The following NUTF2 variants were observed in gnomAD, a reference collection of about 807,000 sequenced individuals.
NUTF2 encodes placental protein 15.
NUTF2 carries 3 observed loss-of-function variants against 18.5 expected under a neutral mutation model. The ratio of observed to expected loss-of-function variants is 0.16; its 90% CI spans 0.07 to 0.42. The LOEUF is 0.42. Among genes scored for constraint, NUTF2 ranks in the 10% least tolerant of loss-of-function variants. The pLI is 0.99. For missense variants in NUTF2, 44 were observed against 160.7 expected (o/e 0.27, Z 3.93); for synonymous variants, 51 against 57.9 (o/e 0.88, Z 0.54).
At chr16:67,858,681 A>G (rs760830641) in intron 1 of NUTF2, among the ~76,000 whole-genome samples, 1 of 152,146 alleles carries the variant, frequency 6.6e-6, no homozygotes, top group African/African-American at 2.4e-5. Context: ...GGGAGTGGCA[A>G]GAGATGAGGT....
chr16:67,848,042 G>A lies in NUTF2; in HGVS notation c.-30+1057G>A, dbSNP rs373842762. Among the ~76,000 whole-genome samples the A allele has an allele frequency of 1.6e-4, 25 of 152,334 alleles. No homozygotes were observed. In the East Asian group the frequency reaches 3.3e-3, roughly 20 times the overall value. ...TGCTCACTTCCCAACAACTGGAGCT[G>A]CCTGTAAACAGGCAGGAACCTGGTT... On this transcript the variant is annotated intron_variant, in intron 1 of 4. Transcript: ENST00000219169.
intron 1 of NUTF2, among the ~76,000 whole-genome samples, chr16:67,861,300 G>A (rs1327264026): frequency 6.6e-6 from 1 of 152,224 alleles, no homozygotes; most frequent in East Asian, 1.9e-4. Context: ...TGCCTCATAT[G>A]CATTAGTGAA....
At chr16:67,869,722 T>C (rs1012874601) in intron 4 of NUTF2, among the ~76,000 whole-genome samples, 45 of 151,790 alleles carry the variant, frequency 3.0e-4, no homozygotes, top group Non-Finnish European at 1.6e-4. Context: ...GAGGCAGAGG[T>C]TGCGGTGAGC....
chr16:67,868,632 G>A (rs1354620887), intron 4 of NUTF2, 33 bp downstream of exon 4: 2 of 1,593,124 alleles, frequency 1.3e-6, no homozygotes, highest in Middle Eastern at 2.0e-4. Context: ...AGGGAGGGGT[G>A]GGCAGGCAGA....
At chr16:67,855,900 T>TGGGGGGGGG (rs1256646247) in intron 1 of NUTF2, 1 of 222,104 alleles carries the variant, frequency 4.5e-6, no homozygotes, top group Non-Finnish European at 8.0e-6. Flanking sequence ...GGGGGGGGGA[T>TGGGGGGGGG]GGGGGAAATG....
intron 1 of NUTF2, chr16:67,855,979 G>T: frequency 1.6e-6 from 2 of 1,220,280 alleles, no homozygotes; most frequent in Non-Finnish European, 2.4e-6. Flanking sequence ...ACTGCTTCTT[G>T]GTGCCAGCGG....
intron 1 of NUTF2, among the ~76,000 whole-genome samples, chr16:67,854,338 G>A (rs1001395638): frequency 5.9e-5 from 9 of 152,176 alleles, no homozygotes; most frequent in Non-Finnish European, 1.3e-4. Flanking sequence ...CACTTTAAGT[G>A]CCCAATAGTT....
At chr16:67,865,721 T>C (rs970810811) in intron 2 of NUTF2, among the ~76,000 whole-genome samples, 1 of 132,426 alleles carries the variant, frequency 7.6e-6, no homozygotes, top group African/African-American at 3.6e-5. Context: ...TGGCTGCTCT[T>C]TTTTTTTTTT....
intron 1 of NUTF2, among the ~76,000 whole-genome samples, chr16:67,850,171 C>G (rs1381169175): frequency 6.6e-6 from 1 of 151,920 alleles, no homozygotes; most frequent in Non-Finnish European, 1.5e-5. Context: ...TCAGGTCCCT[C>G]CCTCTCATTC....
In NUTF2 at chr16:67,850,981, AGTAGAGATGGG is replaced by A. The variant is rs534526942; in HGVS notation, c.-30+3999_-30+4009del. 4.2e-3 allele frequency among the ~76,000 whole-genome samples: 643 copies of A among 151,900 alleles called. 2 individuals carry two copies. Among genetic ancestry groups the A allele is most frequent in the African/African-American group, 0.015 (632 of 41,442 alleles). ...ACACCCAGCTAATTTTTGTATTCTTAGTAGAGATGGGGTTTCACCATATTGGCCAGGCTAGT... is the reference window on the plus strand; with the variant it reads ...ACACCCAGCTAATTTTTGTATTCTTAGTTTCACCATATTGGCCAGGCTAGT... On this transcript the variant is annotated intron_variant, in intron 1 of 4. Coordinates refer to ENST00000219169, the MANE Select transcript of NUTF2 (RefSeq NM_005796.3).
At chr16:67,848,979 A>G (rs1463823544) in intron 1 of NUTF2, among the ~76,000 whole-genome samples, 2 of 152,128 alleles carry the variant, frequency 1.3e-5, no homozygotes, top group Admixed American at 1.3e-4. Flanking sequence ...TTTCTTGCAT[A>G]TGAATTGCTC....
At chr16:67,849,029 A>G (rs28679372) in intron 1 of NUTF2, among the ~76,000 whole-genome samples, 10,444 of 152,266 alleles carry the variant, frequency 0.069, 500 homozygotes, top group Middle Eastern at 0.19. Flanking sequence ...ATAGGCAAGA[A>G]TGCTGCTCAG....
intron 2 of NUTF2, among the ~76,000 whole-genome samples, chr16:67,867,314 G>A (rs1001823568): frequency 1.3e-5 from 2 of 152,176 alleles, no homozygotes; most frequent in African/African-American, 4.8e-5. Flanking sequence ...AAGAGAGTTA[G>A]CAAGGTCCTA....
chr16:67,853,835 C>T (rs908024348), intron 1 of NUTF2, among the ~76,000 whole-genome samples: 6 of 151,330 alleles, frequency 4.0e-5, no homozygotes, highest in African/African-American at 1.2e-4. Flanking sequence ...CTTGTAGAGA[C>T]GGGATCTCAC....
intron 1 of NUTF2, chr16:67,855,817 T>G: frequency 2.9e-6 from 1 of 342,026 alleles, no homozygotes. Flanking sequence ...TGAGGCTCCA[T>G]GGAGCTTGCT....
At chr16:67,870,565 AAGCACACAT>A in intron 4 of NUTF2, 1 of 528,640 alleles carries the variant, frequency 1.9e-6, no homozygotes, top group Non-Finnish European at 3.4e-6. Context: ...TGTGCAGTTT[AAGCACACAT>A]AGCACACATA....
intron 1 of NUTF2, among the ~76,000 whole-genome samples, chr16:67,850,832 G>T (rs916214140): frequency 6.6e-6 from 1 of 151,350 alleles, no homozygotes; most frequent in African/African-American, 2.4e-5. Context: ...ACAGAGCCTC[G>T]CTCTGTTGCC....
At chr16:67,860,847 T>C (rs1443793867) in intron 1 of NUTF2, among the ~76,000 whole-genome samples, 1 of 152,240 alleles carries the variant, frequency 6.6e-6, no homozygotes, top group Non-Finnish European at 1.5e-5. Flanking sequence ...CTAGGATCTC[T>C]GTCTGCTCTG....
At chr16:67,863,127 C>T (rs1426409943) in intron 1 of NUTF2, among the ~76,000 whole-genome samples, 3 of 152,160 alleles carry the variant, frequency 2.0e-5, no homozygotes, top group Non-Finnish European at 4.4e-5. Flanking sequence ...TGAGTACAGC[C>T]AGTGTCTGAC....
Sources: allele counts gnomAD v4.1 joint callset (sites outside exome capture counted in the v4.1 genomes callset), GRCh38; gene constraint gnomAD v4.1.1; transcripts MANE v1.5; gene names NCBI Gene and HGNC (gene_info 2026-07-23, HGNC 2026-07-21).